RNF6: variants seen among roughly 807,000 people sequenced by gnomAD.
The protein encoded by RNF6 is ring finger protein 6.
A neutral mutation model predicts 50.1 loss-of-function variants in RNF6; 21 were observed. That is an observed-to-expected ratio of 0.42 (90% CI 0.30 to 0.60). The LOEUF is 0.60. RNF6 is among the 20% of genes least tolerant of loss of function. The probability of loss-of-function intolerance (pLI) is 0.20; values close to 1 mark genes in which losing one functional copy is unlikely to be tolerated. For missense variants in RNF6, 698 were observed against 838.2 expected, an observed-to-expected ratio of 0.83 and a Z score of 2.07; for synonymous variants, 255 against 291.8, an observed-to-expected ratio of 0.87 and a Z score of 1.29.
intron 5 of RNF6, among the ~76,000 whole-genome samples, chr13:26,178,956 G>A (rs574199107): frequency 2.6e-5 from 4 of 152,128 alleles, no homozygotes; most frequent in Non-Finnish European, 5.9e-5. Context: ...TGTCGCAAAG[G>A]ACAAGCTTAC....
chr13:26,219,741 A>G lies in RNF6; in HGVS notation c.-18-74T>C, dbSNP rs763637482. On this transcript the variant is annotated intron_variant, in intron 2 of 4. Transcript: ENST00000381588. ...ATTTGGCTTTGTATTTTTAACTTGC[A>G]GTTTTTCTTAATTTTTAAATGTTGT... 91 of 1,335,586 alleles carry G rather than the reference A, an allele frequency of 6.8e-5. 1 individual carries two copies. The highest frequency in any genetic ancestry group is 8.2e-5 in the Non-Finnish European group (81 of 982,756). 82.7% of individuals were successfully genotyped at this position (1,335,586 alleles called of 1,614,324 possible). A position where few individuals can be genotyped will look rare whatever the true frequency, so the allele number is the denominator to read the frequency against.
intron 5 of RNF6, among the ~76,000 whole-genome samples, chr13:26,152,061 C>G (rs1452443612): frequency 6.6e-6 from 1 of 152,186 alleles, no homozygotes; most frequent in Non-Finnish European, 1.5e-5. Context: ...ATAACCTGGC[C>G]TCGGCTAACA....
At chr13:26,145,025 A>C (rs1414635595) in intron 5 of RNF6, 1 of 152,198 alleles carries the variant, frequency 6.6e-6, no homozygotes, top group Non-Finnish European at 1.5e-5. Flanking sequence ...CCAAATTGTG[A>C]CACAGAGTTG....
At chr13:26,172,764 C>T (rs1417357912) in intron 5 of RNF6, among the ~76,000 whole-genome samples, 3 of 152,070 alleles carry the variant, frequency 2.0e-5, no homozygotes, top group Non-Finnish European at 2.9e-5. Flanking sequence ...AGGATGGTCT[C>T]GATCTCCTGA....
chr13:26,160,538 CTTCTTCTTTTTTT>C (rs1566414116), intron 5 of RNF6, among the ~76,000 whole-genome samples: 1,433 of 52,752 alleles, frequency 0.027, 29 homozygotes, highest in African/African-American at 0.075. Context: ...TTCTTCTCTT[CTTCTTCTTTTTTT>C]TTTTTTTTTT....
At position 26,148,631 on chromosome 13, in the gene RNF6, TTTATATA is replaced by T. The variant is rs1483470413; in HGVS notation, n.769-16187_769-16181del. Among the ~76,000 whole-genome samples the T allele has an allele frequency of 1.2e-3, 91 of 77,800 alleles. 1 individual carries two copies. The East Asian group carries it at 0.016, about 14-fold the overall frequency. 51.0% of individuals were successfully genotyped at this position (77,800 alleles called of 152,430 possible). A position where few individuals can be genotyped will look rare whatever the true frequency, so the allele number is the denominator to read the frequency against. On this transcript the variant is annotated intron_variant and non_coding_transcript_variant, in intron 5 of 5. Transcript: ENST00000468480. ...AAATAGAAACAATAGTATAAATCTC[TTTATATA>T]TATATATATATATATATATATATAT...
intron 5 of RNF6, among the ~76,000 whole-genome samples, chr13:26,202,473 CA>C (rs1193884241): frequency 6.6e-6 from 1 of 152,056 alleles, no homozygotes; most frequent in Non-Finnish European, 1.5e-5. Flanking sequence ...AAACAAAGAT[CA>C]AAAAGTTTTG....
intron 5 of RNF6, among the ~76,000 whole-genome samples, chr13:26,207,733 G>A (rs1390669662): frequency 1.3e-5 from 2 of 152,134 alleles, no homozygotes; most frequent in African/African-American, 4.8e-5. Context: ...AACCTATAAG[G>A]CTTATCAGTG....
intron 5 of RNF6, among the ~76,000 whole-genome samples, chr13:26,182,585 G>A (rs1384884999): frequency 6.6e-6 from 1 of 152,056 alleles, no homozygotes; most frequent in Non-Finnish European, 1.5e-5. Context: ...GACAGAGGTG[G>A]GCCGATTGCT....
intron 5 of RNF6, among the ~76,000 whole-genome samples, chr13:26,187,024 A>G (rs989204744): frequency 1.5e-4 from 22 of 151,724 alleles, no homozygotes; most frequent in African/African-American, 3.9e-4. Context: ...TGATCCACCC[A>G]CCTCGGCCTC....
chr13:26,150,456 T>A (rs17433427), intron 5 of RNF6, among the ~76,000 whole-genome samples: 21,714 of 151,984 alleles, frequency 0.14, 1,785 homozygotes, highest in Admixed American at 0.2. Context: ...CATGATTAAA[T>A]ACCTCCCTGT....
chr13:26,157,612 C>T (rs958957430), intron 5 of RNF6, among the ~76,000 whole-genome samples: 1 of 152,092 alleles, frequency 6.6e-6, no homozygotes, highest in Non-Finnish European at 1.5e-5. Context: ...AAAAGCCAAA[C>T]AAGTCATCCT....
chr13:26,192,595 A>T (rs115241887), intron 5 of RNF6, among the ~76,000 whole-genome samples: 3,915 of 152,328 alleles, frequency 0.026, 194 homozygotes, highest in African/African-American at 0.089. Context: ...CATCTGTCAT[A>T]CTAGCAGACT....
At chr13:26,194,174 A>C (rs939375623) in intron 5 of RNF6, among the ~76,000 whole-genome samples, 1 of 152,218 alleles carries the variant, frequency 6.6e-6, no homozygotes, top group Non-Finnish European at 1.5e-5. Context: ...TATTTTTCTC[A>C]AGCCATATTC....
chr13:26,153,885 A>C (rs1055203432), intron 5 of RNF6, among the ~76,000 whole-genome samples: 15 of 152,206 alleles, frequency 9.9e-5, no homozygotes, highest in Non-Finnish European at 2.9e-5. Flanking sequence ...TTTCAGCCCC[A>C]AAATGGAATT....
rs149877057 is a variant in RNF6 at position 26,152,774 on chromosome 13, T to C, written n.769-20323A>G. Among the ~76,000 whole-genome samples the C allele has an allele frequency of 1.5e-3, 224 of 152,298 alleles. No homozygotes were observed. The South Asian group carries it at 0.015, about 10-fold the overall frequency. ...TAGTTATAATATGTTACATAGATCA[T>C]TGTTACAGACATTAGAGAAGGGAGA... On this transcript the variant is annotated intron_variant and non_coding_transcript_variant, in intron 5 of 5. Transcript: ENST00000468480.
intron 5 of RNF6, among the ~76,000 whole-genome samples, chr13:26,201,848 C>A (rs2137709331): frequency 6.6e-6 from 1 of 152,232 alleles, no homozygotes; most frequent in South Asian, 2.1e-4. Context: ...CGTTACAACC[C>A]AAAAGTTTGG....
rs1349484881 is a variant in RNF6 at position 26,215,482 on chromosome 13, A to C, written c.400T>G (p.Trp134Gly). The change falls in exon 5 of 5, where the codon TGG becomes GGG. Residue 134 changes from tryptophan (W) to glycine (G), a missense_variant. Physicochemically the swap from Trp to Gly is radical, Grantham distance 184. Coordinates refer to ENST00000381588, the MANE Select transcript of RNF6 (RefSeq NM_005977.4). ...GGGTTTGTTCGACTCACAGCTCTCC[A>C]AGTTTGGTTCCCATTTTGTCCACTT... is the stretch of plus-strand genomic sequence containing the variant. The part of the protein sequence containing the change: ...TRSGQNGNQT[W>G]RAVSRTNPNN... 1 of 1,614,142 alleles carries C rather than the reference A, an allele frequency of 6.2e-7. No homozygotes were observed. Among genetic ancestry groups the C allele is most frequent in the Non-Finnish European group, 8.5e-7 (1 of 1,180,028 alleles).
At chr13:26,159,597 C>G (rs1416089490) in intron 5 of RNF6, among the ~76,000 whole-genome samples, 1 of 151,846 alleles carries the variant, frequency 6.6e-6, no homozygotes, top group African/African-American at 2.4e-5. Context: ...TGCACTCCAG[C>G]CTGGGCGACA....
Sources: gnomAD v4.1 joint callset for allele counts (sites outside exome capture counted in the v4.1 genomes callset) on GRCh38, gnomAD v4.1.1 for gene constraint, MANE v1.5 for transcripts, NCBI Gene and HGNC (gene_info 2026-07-23, HGNC 2026-07-21) for gene names.